The following ICOS variants were observed in gnomAD, a reference collection of about 807,000 sequenced individuals.
ICOS encodes the protein inducible T-cell costimulator.
ICOS carries 15 observed loss-of-function variants against 24.6 expected under a neutral mutation model. The observed-to-expected ratio is 0.61, with a 90% confidence interval of 0.41 to 0.94. The LOEUF (loss-of-function observed/expected upper bound fraction) is 0.94. ICOS is among the 40% of genes least tolerant of loss of function. The probability of loss-of-function intolerance (pLI) is 0.00; values close to 1 mark genes in which losing one functional copy is unlikely to be tolerated. For synonymous variants in ICOS, 89 were observed against 77.5 expected, an observed-to-expected ratio of 1.15 and a Z score of -0.78; for missense variants, 200 against 233.0, an observed-to-expected ratio of 0.86 and a Z score of 0.92.
intron 3 of ICOS, 62 bp downstream of exon 3, chr2:203,956,827 C>A: frequency 9.0e-7 from 1 of 1,112,650 alleles, no homozygotes; most frequent in Non-Finnish European, 1.4e-6. Flanking sequence ...ATTATTTCCT[C>A]ATCAAAAGTA....
chr2:203,942,779 A>G (rs938277743), intron 1 of ICOS, among the ~76,000 whole-genome samples: 3 of 152,142 alleles, frequency 2.0e-5, no homozygotes, highest in African/African-American at 7.2e-5. Context: ...GTTTCTGTAC[A>G]ATGAGAGGAT....
chr2:203,958,143 A>G (rs1690110555), intron 4 of ICOS, among the ~76,000 whole-genome samples: 1 of 152,224 alleles, frequency 6.6e-6, no homozygotes, highest in South Asian at 2.1e-4. Context: ...CATAGTATCA[A>G]GGCAATTTTC....
chr2:203,941,542 C>T (rs1176139194), intron 1 of ICOS, among the ~76,000 whole-genome samples: 1 of 152,160 alleles, frequency 6.6e-6, no homozygotes, highest in Non-Finnish European at 1.5e-5. Context: ...TACTGCTTCC[C>T]TACTCTAAGA....
At chr2:203,952,357 T>C (rs1385026007) in intron 1 of ICOS, among the ~76,000 whole-genome samples, 1 of 152,238 alleles carries the variant, frequency 6.6e-6, no homozygotes, top group African/African-American at 2.4e-5. Context: ...TATTGACAGA[T>C]GTTTCTTTTA....
At chr2:203,959,475 T>TGTGC in intron 4 of ICOS, 111 bp from the exon 5 acceptor site, 1 of 810,194 alleles carries the variant, frequency 1.2e-6, no homozygotes, top group Non-Finnish European at 2.2e-6. Context: ...TGTGTGTGTG[T>TGTGC]GTGCACGTGT....
At chr2:203,945,109 A>C (rs972482044) in intron 1 of ICOS, among the ~76,000 whole-genome samples, 3 of 152,308 alleles carry the variant, frequency 2.0e-5, no homozygotes, top group Admixed American at 6.5e-5. Flanking sequence ...ACACTAATAG[A>C]GACTTTTAAA....
intron 1 of ICOS, among the ~76,000 whole-genome samples, chr2:203,955,154 A>G (rs1471690006): frequency 6.6e-6 from 1 of 152,032 alleles, no homozygotes; most frequent in Non-Finnish European, 1.5e-5. Context: ...AGTGCTACTA[A>G]TCCTTTAATT....
chr2:203,961,401 T>C lies in ICOS; in HGVS notation c.*1802T>C, dbSNP rs1438076027. The C allele has an allele frequency of 1.2e-5, 2 of 171,006 alleles. No individual in the cohort carries two copies. The highest frequency in any genetic ancestry group is 2.5e-5 in the Non-Finnish European group (2 of 79,698). 10.6% of individuals were successfully genotyped at this position (171,006 alleles called of 1,614,324 possible). A position where few individuals can be genotyped will look rare whatever the true frequency, so the allele number is the denominator to read the frequency against. ...CTTCATGGTGGCCCACCTGGCCTGGTTGTCCAAGCTGTGCCTCGACACATC... is the reference window on the plus strand; with the variant it reads ...CTTCATGGTGGCCCACCTGGCCTGGCTGTCCAAGCTGTGCCTCGACACATC... On this transcript the variant is annotated 3_prime_UTR_variant, in exon 5 of 5. Transcript: ENST00000316386.
intron 1 of ICOS, among the ~76,000 whole-genome samples, chr2:203,954,849 C>T (rs1690050112): frequency 6.7e-6 from 1 of 148,574 alleles, no homozygotes; most frequent in Non-Finnish European, 1.5e-5. Flanking sequence ...TATACATATA[C>T]ATATAATACA....
At position 203,956,764 on chromosome 2, in the gene ICOS, A is replaced by T. The variant is rs1448022642; in HGVS notation, c.500A>T (p.Lys167Met). 2.3e-5 allele frequency: 36 copies of T among 1,595,096 alleles called. No homozygotes were observed. Among genetic ancestry groups the T allele is most frequent in the Non-Finnish European group, 3.0e-5 (35 of 1,162,758 alleles). Reference sequence around the variant, plus strand: ...ATACTTATTTGTTGGCTTACAAAAAAGGTAAGCGATTTCTATCTTTCCTTG... The same window carrying T: ...ATACTTATTTGTTGGCTTACAAAAATGGTAAGCGATTTCTATCTTTCCTTG... ...GCILICWLTK[K>M]KYSSSVHDPN... The change falls in exon 3 of 5, where the codon AAG (lysine) becomes ATG (methionine). Residue 167 changes from lysine (K) to methionine (M), a missense_variant and splice_region_variant. Transcript: ENST00000316386.
intron 1 of ICOS, among the ~76,000 whole-genome samples, chr2:203,949,606 A>G (rs761787808): frequency 3.9e-5 from 6 of 152,204 alleles, no homozygotes; most frequent in Non-Finnish European, 8.8e-5. Context: ...TGGAAATGGT[A>G]TGTTAGGAAG....
At chr2:203,956,899 AC>A in intron 3 of ICOS, 134 bp downstream of exon 3, 1 of 680,814 alleles carries the variant, frequency 1.5e-6, no homozygotes, top group Non-Finnish European at 2.7e-6. Context: ...CCCAAGACAT[AC>A]CTACTAATTA....
chr2:203,955,844 C>CT lies in ICOS; in HGVS notation c.267_268insT (p.Asn90Ter). 5.0e-6 allele frequency: 8 copies of CT among 1,613,792 alleles called. No individual in the cohort carries two copies. Among genetic ancestry groups the CT allele is most frequent in the Non-Finnish European group, 6.8e-6 (8 of 1,179,764 alleles). Reference sequence around the variant, plus strand: ...AATTCTGCCATTCTCAGTTATCCAACAACAGTGTCTCTTTTTTTCTATACA... The same window carrying CT: ...AATTCTGCCATTCTCAGTTATCCAACTAACAGTGTCTCTTTTTTTCTATACA... On this transcript the variant is annotated frameshift_variant, in exon 2 of 5. Transcript: ENST00000316386. LOFTEE classifies it high-confidence loss of function.
intron 1 of ICOS, among the ~76,000 whole-genome samples, chr2:203,950,027 T>C (rs1689942376): frequency 6.6e-6 from 1 of 152,276 alleles, no homozygotes; most frequent in African/African-American, 2.4e-5. Context: ...TCTCCTTTAA[T>C]ACTATTTTCA....
At chr2:203,944,389 G>A (rs574275544) in intron 1 of ICOS, among the ~76,000 whole-genome samples, 13 of 152,210 alleles carry the variant, frequency 8.5e-5, no homozygotes, top group South Asian at 2.1e-4. Flanking sequence ...AGATAAAGTC[G>A]GAAACTTCTC....
chr2:203,946,409 AT>A (rs10715081), intron 1 of ICOS, among the ~76,000 whole-genome samples: 127,698 of 133,804 alleles, frequency 0.95, 60,962 homozygotes, highest in South Asian at 0.99. Flanking sequence ...TCTTCTTCCC[AT>A]TTTTTTTTTT....
intron 1 of ICOS, among the ~76,000 whole-genome samples, chr2:203,946,794 ATTGT>A (rs1450385594): frequency 1.3e-5 from 2 of 152,196 alleles, no homozygotes; most frequent in African/African-American, 2.4e-5. Context: ...AACACTTATC[ATTGT>A]TTGATTACAG....
chr2:203,957,689 A>G, intron 3 of ICOS, 110 bp from the exon 4 acceptor site: 1 of 812,684 alleles, frequency 1.2e-6, no homozygotes, highest in South Asian at 1.4e-5. Context: ...CCTAAGTCAC[A>G]TTATCATGTT....
Position 203,960,265 on chromosome 2 carries a change from A to T in ICOS, c.*666A>T, listed in dbSNP as rs1690154533. 6.3e-6 allele frequency: 1 copy of T among 158,780 alleles called. No individual in the cohort carries two copies. Among genetic ancestry groups the T allele is most frequent in the South Asian group, 1.8e-4 (1 of 5,476 alleles). 9.8% of individuals were successfully genotyped at this position (158,780 alleles called of 1,614,324 possible). ...GCTTGACAGCCCAACAGCCACTCTC[A>T]ATAGAGAGCTATGTCTTACATTCTT... On this transcript the variant is annotated 3_prime_UTR_variant, in exon 5 of 5. Transcript: ENST00000316386.
Sources: allele counts gnomAD v4.1 joint callset (sites outside exome capture counted in the v4.1 genomes callset), GRCh38; gene constraint gnomAD v4.1.1; transcripts MANE v1.5; gene names NCBI Gene and HGNC (gene_info 2026-07-23, HGNC 2026-07-21).